CNTN1: variants seen among roughly 807,000 people sequenced by gnomAD.
The protein encoded by CNTN1 is contactin 1.
A neutral mutation model predicts 126.4 loss-of-function variants in CNTN1; 38 were observed. That is an observed-to-expected ratio of 0.30 (90% CI 0.23 to 0.39). The LOEUF (loss-of-function observed/expected upper bound fraction) is 0.39. Ranked by LOEUF, CNTN1 falls within the 10% of genes least tolerant of loss-of-function variation. The probability of loss-of-function intolerance (pLI) is 1.00; values close to 1 mark genes in which losing one functional copy is unlikely to be tolerated. For missense variants in CNTN1, 1,009 were observed against 1,248.4 expected (o/e 0.81, Z 2.89); for synonymous variants, 413 against 422.6 (o/e 0.98, Z 0.28).
intron 1 of CNTN1, among the ~76,000 whole-genome samples, chr12:40,815,059 A>G (rs1451701018): frequency 6.6e-6 from 1 of 152,058 alleles, no homozygotes; most frequent in South Asian, 2.1e-4. Context: ...GTAGCCTTGT[A>G]GTATAGTTTG....
chr12:40,783,181 T>A (rs190155786), intron 1 of CNTN1, among the ~76,000 whole-genome samples: 69 of 151,928 alleles, frequency 4.5e-4, no homozygotes, highest in Admixed American at 7.2e-4. Flanking sequence ...GAGTCAAAGA[T>A]TGAGTCCTAG....
intron 1 of CNTN1, among the ~76,000 whole-genome samples, chr12:40,778,020 G>A (rs1183376519): frequency 2.0e-5 from 3 of 151,802 alleles, no homozygotes; most frequent in African/African-American, 7.3e-5. Flanking sequence ...AACACTGTTG[G>A]TTTTAACATT....
At chr12:40,773,633 G>GTGTATATATATATATATATATATATATA (rs1555155525) in intron 1 of CNTN1, among the ~76,000 whole-genome samples, 1 of 46,640 alleles carries the variant, frequency 2.1e-5, no homozygotes, top group Non-Finnish European at 4.6e-5. Flanking sequence ...ACCAGAAACT[G>GTGTATATATATATATATATATATATATA]TATATATATA....
rs150016855 is a variant in CNTN1, at chr12:41,065,335, G to A, written c.2981-4624G>A. On this transcript the variant is annotated intron_variant, in intron 23 of 23. Transcript: ENST00000551295. ...CTCCCAAAGTGCTGGGATTACAGGC[G>A]TGAGCCACCGCACCCGGCCTCATTG... 2.4e-4 allele frequency among the ~76,000 whole-genome samples: 36 copies of A among 152,324 alleles called. No homozygotes were observed. In the East Asian group the frequency reaches 5.4e-3, roughly 23 times the overall value.
At chr12:41,043,599 C>T (rs1281886209) in intron 23 of CNTN1, among the ~76,000 whole-genome samples, 4 of 152,090 alleles carry the variant, frequency 2.6e-5, no homozygotes, top group Non-Finnish European at 5.9e-5. Flanking sequence ...GGCAATTCCT[C>T]AGGGGTCTAG....
chr12:40,751,523 C>T (rs1938406442), intron 1 of CNTN1, among the ~76,000 whole-genome samples: 1 of 151,928 alleles, frequency 6.6e-6, no homozygotes, highest in South Asian at 2.1e-4. Context: ...GGAGGTGTCT[C>T]CAGGGCACTG....
chr12:40,802,742 C>T (rs1940704377), intron 1 of CNTN1, among the ~76,000 whole-genome samples: 2 of 151,878 alleles, frequency 1.3e-5, no homozygotes, highest in Admixed American at 1.3e-4. Flanking sequence ...TGAAGATTTC[C>T]CAGACACTTT....
At chr12:40,867,613 A>G (rs1246857734) in intron 1 of CNTN1, among the ~76,000 whole-genome samples, 8 of 152,086 alleles carry the variant, frequency 5.3e-5, no homozygotes, top group Non-Finnish European at 1.2e-4. Context: ...AGTATATATA[A>G]ATTTTATTTG....
rs1378356275 is a variant in CNTN1, at chr12:40,835,266, G to C, written c.-76-73091G>C. Among the ~76,000 whole-genome samples the C allele has an allele frequency of 2.0e-5, 3 of 152,088 alleles. No individual in the cohort carries two copies. The East Asian group carries it at 5.8e-4, about 29-fold the overall frequency. ...AATTATTCATACTTGCAAGCACTTA[G>C]TATAATTGTGTAGTGCAGTTTTGCA... On this transcript the variant is annotated intron_variant, in intron 1 of 23. Transcript: ENST00000551295.
intron 1 of CNTN1, among the ~76,000 whole-genome samples, chr12:40,888,276 T>C (rs1370468629): frequency 1.3e-5 from 2 of 152,314 alleles, no homozygotes; most frequent in Middle Eastern, 3.4e-3. Context: ...TACGGACTTT[T>C]TAAAATTTCA....
chr12:40,806,016 T>C (rs1329988349), intron 1 of CNTN1, among the ~76,000 whole-genome samples: 1 of 152,182 alleles, frequency 6.6e-6, no homozygotes, highest in Non-Finnish European at 1.5e-5. Flanking sequence ...GCTGACTCTA[T>C]GTGCCCTTTG....
At chr12:40,825,898 G>A (rs77001180) in intron 1 of CNTN1, among the ~76,000 whole-genome samples, 2,178 of 152,110 alleles carry the variant, frequency 0.014, 47 homozygotes, top group African/African-American at 0.05. Context: ...TCTCATCTCT[G>A]TCTCCATCTT....
chr12:40,754,661 T>G (rs977821844), intron 1 of CNTN1, among the ~76,000 whole-genome samples: 48 of 152,088 alleles, frequency 3.2e-4, no homozygotes, highest in Admixed American at 2.7e-3. Context: ...ATTTGTATTT[T>G]GATGATATTT....
At chr12:40,790,286 G>A (rs1025912027) in intron 1 of CNTN1, among the ~76,000 whole-genome samples, 1 of 152,036 alleles carries the variant, frequency 6.6e-6, no homozygotes, top group African/African-American at 2.4e-5. Context: ...CAGGAGCCAG[G>A]GAATCTCCCC....
chr12:40,894,979 T>C (rs1324728565), intron 1 of CNTN1, among the ~76,000 whole-genome samples: 1 of 152,200 alleles, frequency 6.6e-6, no homozygotes, highest in Non-Finnish European at 1.5e-5. Context: ...ATGATTCTTT[T>C]CTTTAATAAA....
In CNTN1 at chr12:40,775,085, C is replaced by T. The variant is rs142635406; in HGVS notation, c.-77+82493C>T. On this transcript the variant is annotated intron_variant, in intron 1 of 23. Coordinates refer to ENST00000551295, the MANE Select transcript of CNTN1 (RefSeq NM_001843.4). ...TCACTCTTTTTTGCTACTGAACACC[C>T]GCTCTTATTCCTTCTATCTTACTAT... Among the ~76,000 whole-genome samples the T allele has an allele frequency of 8.6e-3, 1,306 of 151,328 alleles. 14 individuals are homozygous for T. The highest frequency in any genetic ancestry group is 0.017 in the South Asian group (81 of 4,816).
At chr12:40,774,320 G>T (rs570067959) in intron 1 of CNTN1, among the ~76,000 whole-genome samples, 3 of 151,674 alleles carry the variant, frequency 2.0e-5, no homozygotes, top group South Asian at 2.1e-4. Context: ...GGTTTGTATT[G>T]TTGGAAAGGC....
intron 1 of CNTN1, among the ~76,000 whole-genome samples, chr12:40,753,116 C>T (rs1938466765): frequency 6.6e-6 from 1 of 152,102 alleles, no homozygotes; most frequent in Admixed American, 6.6e-5. Flanking sequence ...CAGGGGCCTG[C>T]AACCATGTGA....
At chr12:40,740,963 T>C (rs1195615873) in intron 1 of CNTN1, among the ~76,000 whole-genome samples, 1 of 152,012 alleles carries the variant, frequency 6.6e-6, no homozygotes, top group Non-Finnish European at 1.5e-5. Flanking sequence ...AATTATTCAG[T>C]CTTGGGTATT....
Sources: allele counts gnomAD v4.1 joint callset (sites outside exome capture counted in the v4.1 genomes callset), GRCh38; gene constraint gnomAD v4.1.1; transcripts MANE v1.5; gene names NCBI Gene and HGNC (gene_info 2026-07-23, HGNC 2026-07-21).